Variants in SND1 observed in about 807,000 individuals in gnomAD.
SND1 encodes staphylococcal nuclease and tudor domain containing 1, also known as staphylococcal nuclease domain-containing protein 1.
In SND1, 38 loss-of-function variants were observed where a neutral mutation model predicts 121.7. The ratio of observed to expected loss-of-function variants is 0.31; its 90% CI spans 0.24 to 0.41. The LOEUF (loss-of-function observed/expected upper bound fraction) is 0.41. Among genes scored for constraint, SND1 ranks in the 10% least tolerant of loss-of-function variants. SND1 has a pLI of 1.00. For synonymous variants in SND1, 401 were observed against 447.4 expected, an observed-to-expected ratio of 0.90 and a Z score of 1.31; for missense variants, 868 against 1,184.6, an observed-to-expected ratio of 0.73 and a Z score of 3.92.
At chr7:127,934,612 G>A (rs79495479) in intron 15 of SND1, among the ~76,000 whole-genome samples, 2,653 of 152,170 alleles carry the variant, frequency 0.017, 30 homozygotes, top group Non-Finnish European at 0.025. Flanking sequence ...GGTCAGGAGT[G>A]GGGGGTGGTG....
In SND1 at chr7:127,718,469, C is replaced by T. The variant is rs1047937012; in HGVS notation, c.1039-2818C>T. 5.3e-6 allele frequency: 3 copies of T among 570,068 alleles called. No individual in the cohort carries two copies. The South Asian group carries it at 2.3e-4, about 44-fold the overall frequency. The allele number at this position is 570,068 out of a possible 1,614,324, so 35.3% of individuals were successfully genotyped here. On this transcript the variant is annotated intron_variant, in intron 9 of 23. Coordinates refer to ENST00000354725, the MANE Select transcript of SND1 (RefSeq NM_014390.4). Reference sequence around the variant, plus strand: ...TACAGAGGAATAAAAAACCATAAACCCCACTTATACACACACGCGGACACG... The same window carrying T: ...TACAGAGGAATAAAAAACCATAAACTCCACTTATACACACACGCGGACACG...
intron 3 of SND1, among the ~76,000 whole-genome samples, chr7:127,697,322 T>C (rs1283359244): frequency 1.3e-5 from 2 of 152,216 alleles, no homozygotes; most frequent in African/African-American, 2.4e-5. Context: ...GAAGATACTT[T>C]TCTCCTTTTT....
chr7:127,913,241 G>A (rs893838934), intron 14 of SND1, among the ~76,000 whole-genome samples: 1 of 152,108 alleles, frequency 6.6e-6, no homozygotes, highest in Admixed American at 6.5e-5. Context: ...TCACTGTCGT[G>A]GATTCTATTA....
intron 2 of SND1, among the ~76,000 whole-genome samples, chr7:127,692,105 A>G (rs73723038): frequency 0.017 from 2,595 of 152,262 alleles, 93 homozygotes; most frequent in African/African-American, 0.059. Flanking sequence ...AAGAGGGACA[A>G]AAAGTATTGA....
At chr7:127,832,814 G>A (rs925939699) in intron 11 of SND1, among the ~76,000 whole-genome samples, 1 of 152,196 alleles carries the variant, frequency 6.6e-6, no homozygotes, top group Non-Finnish European at 1.5e-5. Context: ...GCCAGCCAGC[G>A]TCACTGCCTG....
intron 10 of SND1, among the ~76,000 whole-genome samples, chr7:127,803,996 C>T (rs899327966): frequency 6.6e-6 from 1 of 152,168 alleles, no homozygotes; most frequent in South Asian, 2.1e-4. Flanking sequence ...ATGAAGCAAG[C>T]ATTTTTTCCT....
chr7:127,989,578 C>T (rs1235614785), intron 15 of SND1, among the ~76,000 whole-genome samples: 3 of 152,086 alleles, frequency 2.0e-5, no homozygotes, highest in Non-Finnish European at 4.4e-5. Context: ...CCTGCTTCTG[C>T]TGCTCCTATG....
intron 12 of SND1, among the ~76,000 whole-genome samples, chr7:127,870,894 C>A (rs1197208852): frequency 1.3e-5 from 2 of 152,108 alleles, no homozygotes; most frequent in African/African-American, 4.8e-5. Flanking sequence ...AACTTTGACT[C>A]CTTTGTAATA....
intron 12 of SND1, among the ~76,000 whole-genome samples, chr7:127,874,173 G>A (rs767214020): frequency 1.3e-5 from 2 of 152,236 alleles, no homozygotes; most frequent in Non-Finnish European, 2.9e-5. Context: ...ACTCTGTCAT[G>A]TGTCTCTGCC....
intron 16 of SND1, among the ~76,000 whole-genome samples, chr7:128,019,066 C>T (rs1309165164): frequency 1.3e-5 from 2 of 152,194 alleles, no homozygotes; most frequent in African/African-American, 4.8e-5. Context: ...TTAACCCACA[C>T]TCCAAACTCC....
At chr7:127,969,743 C>CA (rs1260762847) in intron 15 of SND1, among the ~76,000 whole-genome samples, 19 of 151,662 alleles carry the variant, frequency 1.3e-4, no homozygotes, top group Non-Finnish European at 1.9e-4. Flanking sequence ...CAAAACAAAA[C>CA]AAAAAAAACT....
intron 9 of SND1, among the ~76,000 whole-genome samples, chr7:127,715,218 G>C (rs1796366523): frequency 6.6e-6 from 1 of 151,268 alleles, no homozygotes; most frequent in South Asian, 2.1e-4. Flanking sequence ...GTCTCATTGT[G>C]GTTTTCATTT....
intron 10 of SND1, among the ~76,000 whole-genome samples, chr7:127,746,943 T>C (rs1440310932): frequency 6.6e-6 from 1 of 152,236 alleles, no homozygotes; most frequent in African/African-American, 2.4e-5. Context: ...GTATTCAGTA[T>C]AACTTGGAGG....
chr7:127,890,833 A>G (rs533637759), intron 13 of SND1, among the ~76,000 whole-genome samples: 1 of 152,248 alleles, frequency 6.6e-6, no homozygotes, highest in South Asian at 2.1e-4. Context: ...CTTGCTTGCT[A>G]AGGCAGTGAG....
intron 10 of SND1, among the ~76,000 whole-genome samples, chr7:127,806,559 T>C (rs1798242642): frequency 6.6e-6 from 1 of 152,258 alleles, no homozygotes; most frequent in Non-Finnish European, 1.5e-5. Flanking sequence ...ATATTAAATC[T>C]GACCTTGTCA....
At chr7:127,723,073 C>T (rs896750115) in intron 10 of SND1, among the ~76,000 whole-genome samples, 2 of 152,156 alleles carry the variant, frequency 1.3e-5, no homozygotes, top group Non-Finnish European at 2.9e-5. Context: ...AATTTTTGTG[C>T]CTGTATCATC....
At chr7:127,775,815 A>C (rs1268551641) in intron 10 of SND1, among the ~76,000 whole-genome samples, 3 of 152,134 alleles carry the variant, frequency 2.0e-5, no homozygotes, top group African/African-American at 7.2e-5. Context: ...TCTGTTATAT[A>C]TAGCAATGCA....
chr7:127,912,824 G>A (rs529404149), intron 14 of SND1, among the ~76,000 whole-genome samples: 1 of 152,276 alleles, frequency 6.6e-6, no homozygotes, highest in South Asian at 2.1e-4. Context: ...GAAAATCTTA[G>A]TTTTGTTGCC....
chr7:128,043,428 G>A (rs901729291), intron 16 of SND1, among the ~76,000 whole-genome samples: 13 of 152,106 alleles, frequency 8.5e-5, no homozygotes, highest in African/African-American at 3.1e-4. Flanking sequence ...ACAAAAATTA[G>A]CCAGGTGTAG....
Sources: gnomAD v4.1 joint callset for allele counts (sites outside exome capture counted in the v4.1 genomes callset) on GRCh38, gnomAD v4.1.1 for gene constraint, MANE v1.5 for transcripts, NCBI Gene and HGNC (gene_info 2026-07-23, HGNC 2026-07-21) for gene names.